PKP4: variants seen among roughly 807,000 people sequenced by gnomAD.
The protein encoded by PKP4 is plakophilin 4, also known as plakophilin-4.
PKP4 carries 90 observed loss-of-function variants against 145.1 expected under a neutral mutation model. The ratio of observed to expected loss-of-function variants is 0.62; its 90% CI spans 0.52 to 0.74. The LOEUF is 0.74. Ranked by LOEUF, PKP4 falls within the 30% of genes least tolerant of loss-of-function variation. The pLI is 0.00. For synonymous variants in PKP4, 563 were observed against 577.2 expected (o/e 0.98, Z 0.35); for missense variants, 1,340 against 1,482.7 (o/e 0.90, Z 1.58).
intron 2 of PKP4, among the ~76,000 whole-genome samples, chr2:158,553,146 G>A (rs1047210988): frequency 2.6e-5 from 4 of 152,178 alleles, no homozygotes; most frequent in Non-Finnish European, 2.9e-5. Flanking sequence ...ATAACAAAAT[G>A]TGAGAGGAAA....
chr2:158,493,988 C>A (rs953022953), intron 1 of PKP4, among the ~76,000 whole-genome samples: 1 of 152,102 alleles, frequency 6.6e-6, no homozygotes, highest in Admixed American at 6.5e-5. Context: ...GTGCAAAATT[C>A]ATTTAAAATG....
chr2:158,630,021 C>T (rs1574864599), intron 7 of PKP4, among the ~76,000 whole-genome samples: 3 of 152,160 alleles, frequency 2.0e-5, no homozygotes, highest in South Asian at 2.1e-4. Flanking sequence ...CATGCGCCAC[C>T]GTGCCTGGCC....
At chr2:158,668,458 G>C (rs945822381) in intron 16 of PKP4, among the ~76,000 whole-genome samples, 1 of 152,242 alleles carries the variant, frequency 6.6e-6, no homozygotes. Flanking sequence ...ACTCAACTGA[G>C]TGGGACCCAC....
chr2:158,608,318 C>G (rs2050818973), intron 4 of PKP4, among the ~76,000 whole-genome samples: 1 of 151,988 alleles, frequency 6.6e-6, no homozygotes, highest in African/African-American at 2.4e-5. Flanking sequence ...CAATCAGCTG[C>G]TAAATATAAA....
chr2:158,591,598 CA>C (rs1166642634), intron 3 of PKP4, among the ~76,000 whole-genome samples: 2 of 151,994 alleles, frequency 1.3e-5, no homozygotes, highest in Admixed American at 1.3e-4. Flanking sequence ...TTAGGTGATT[CA>C]GATCTTAATT....
chr2:158,550,118 A>T, intron 2 of PKP4, among the ~76,000 whole-genome samples: 1 of 107,676 alleles, frequency 9.3e-6, no homozygotes, highest in Non-Finnish European at 2.5e-5. Context: ...CTCTCAGAAT[A>T]AAACATTACT....
intron 6 of PKP4, among the ~76,000 whole-genome samples, chr2:158,623,616 A>G (rs2052475833): frequency 6.6e-6 from 1 of 152,158 alleles, no homozygotes; most frequent in Admixed American, 6.5e-5. Flanking sequence ...TTGAACTTGA[A>G]CACACAGTGA....
intron 3 of PKP4, among the ~76,000 whole-genome samples, chr2:158,594,303 C>T (rs1273539320): frequency 6.6e-6 from 1 of 152,136 alleles, no homozygotes; most frequent in African/African-American, 2.4e-5. Context: ...TCTGTAACCT[C>T]GATATCACCC....
chr2:158,664,296 C>T (rs1390556953), intron 15 of PKP4, among the ~76,000 whole-genome samples: 1 of 152,204 alleles, frequency 6.6e-6, no homozygotes, highest in African/African-American at 2.4e-5. Context: ...CAGACCGTTA[C>T]AGACATGCCT....
chr2:158,522,783 G>T (rs1009835597), intron 1 of PKP4, among the ~76,000 whole-genome samples: 6 of 152,238 alleles, frequency 3.9e-5, no homozygotes, highest in Non-Finnish European at 8.8e-5. Flanking sequence ...CGCACCGTGC[G>T]CGAGCCAAAG....
At chr2:158,572,635 TC>T (rs1195827136) in intron 2 of PKP4, among the ~76,000 whole-genome samples, 1 of 152,160 alleles carries the variant, frequency 6.6e-6, no homozygotes, top group Non-Finnish European at 1.5e-5. Flanking sequence ...TGGTAAGAAA[TC>T]TGTCCCACAG....
chr2:158,663,525 C>T, intron 15 of PKP4, 80 bp downstream of exon 15: 2 of 1,243,878 alleles, frequency 1.6e-6, no homozygotes, highest in Non-Finnish European at 2.3e-6. Context: ...TGTTCTGCCT[C>T]AGTCAGATCA....
At chr2:158,564,377 A>G (rs1290945287) in intron 2 of PKP4, among the ~76,000 whole-genome samples, 1 of 152,206 alleles carries the variant, frequency 6.6e-6, no homozygotes, top group East Asian at 1.9e-4. Flanking sequence ...AGGATATAGT[A>G]TGCTGTAGAA....
At chr2:158,677,483 A>G (rs1023125518) in intron 20 of PKP4, 1 of 162,716 alleles carries the variant, frequency 6.1e-6, no homozygotes, top group African/African-American at 2.4e-5. Context: ...AAGGGTTACT[A>G]AGATTTCATA....
intron 10 of PKP4, among the ~76,000 whole-genome samples, chr2:158,642,077 A>C (rs971475267): frequency 6.6e-6 from 1 of 152,168 alleles, no homozygotes; most frequent in African/African-American, 2.4e-5. Flanking sequence ...GCTGGAGTGC[A>C]GTGGTGCAAT....
chr2:158,541,280 GTC>G (rs1292162042), intron 2 of PKP4, among the ~76,000 whole-genome samples: 3 of 152,012 alleles, frequency 2.0e-5, no homozygotes, highest in Admixed American at 2.0e-4. Context: ...TGTCCATATG[GTC>G]TCACTTCATC....
intron 1 of PKP4, among the ~76,000 whole-genome samples, chr2:158,522,125 T>TA (rs1229337560): frequency 5.9e-5 from 9 of 152,184 alleles, no homozygotes; most frequent in Non-Finnish European, 4.4e-5. Context: ...CTTATTTTAC[T>TA]AAAAAGGTGA....
intron 1 of PKP4, among the ~76,000 whole-genome samples, chr2:158,529,579 C>T (rs2043327691): frequency 6.6e-6 from 1 of 152,190 alleles, no homozygotes; most frequent in South Asian, 2.1e-4. Flanking sequence ...CCCAAGGAGC[C>T]TGAAGGAAAA....
At chr2:158,556,885 G>A (rs1449587876) in intron 2 of PKP4, among the ~76,000 whole-genome samples, 3 of 152,116 alleles carry the variant, frequency 2.0e-5, no homozygotes, top group Non-Finnish European at 4.4e-5. Flanking sequence ...GATTACTTAG[G>A]CTTATATTAT....
Sources: gnomAD v4.1 joint callset for allele counts (sites outside exome capture counted in the v4.1 genomes callset) on GRCh38, gnomAD v4.1.1 for gene constraint, MANE v1.5 for transcripts, NCBI Gene and HGNC (gene_info 2026-07-23, HGNC 2026-07-21) for gene names.